The following RICTOR variants were observed in gnomAD, a reference collection of about 807,000 sequenced individuals.
The protein encoded by RICTOR is RPTOR independent companion of MTOR complex 2.
Under a neutral mutation model 214.9 loss-of-function variants are expected in RICTOR, and 49 were observed. That is an observed-to-expected ratio of 0.23 (90% CI 0.18 to 0.29). The LOEUF (loss-of-function observed/expected upper bound fraction) is 0.29, where lower values mean the gene tolerates loss of function less well. Ranked by LOEUF, RICTOR falls within the 10% of genes least tolerant of loss-of-function variation. The pLI, the probability that RICTOR is intolerant of heterozygous loss-of-function variation, is 1.00. For missense variants in RICTOR, 1,625 were observed against 2,047.0 expected (o/e 0.79, Z 3.98); for synonymous variants, 717 against 711.3 (o/e 1.01, Z -0.13).
At chr5:39,003,668 TC>T (rs1561520778) in intron 3 of RICTOR, 46 bp from the exon 4 acceptor site, 1 of 1,193,718 alleles carries the variant, frequency 8.4e-7, no homozygotes, top group South Asian at 1.3e-5. Flanking sequence ...TTGTATATTT[TC>T]ACATATTTAT....
At chr5:39,026,436 A>T (rs1162916037) in intron 2 of RICTOR, among the ~76,000 whole-genome samples, 1 of 152,192 alleles carries the variant, frequency 6.6e-6, no homozygotes, top group African/African-American at 2.4e-5. Flanking sequence ...GAAGCAAAAT[A>T]CAAAAGAACT....
At chr5:38,990,019 G>T (rs953018785) in intron 7 of RICTOR, among the ~76,000 whole-genome samples, 2 of 150,746 alleles carry the variant, frequency 1.3e-5, no homozygotes, top group African/African-American at 4.9e-5. Context: ...ACAACTCATT[G>T]TACTATAGAG....
intron 28 of RICTOR, 88 bp downstream of exon 28, chr5:38,953,373 A>C (rs1389216057): frequency 3.5e-6 from 2 of 574,174 alleles, no homozygotes; most frequent in Admixed American, 2.9e-5. Flanking sequence ...GTAGTTCCAA[A>C]GAAAATATTT....
At chr5:38,975,742 C>CACCA in intron 9 of RICTOR, 138 bp from the exon 10 acceptor site, 1 of 467,194 alleles carries the variant, frequency 2.1e-6, no homozygotes, top group Non-Finnish European at 3.7e-6. Flanking sequence ...AGACAAAGAT[C>CACCA]AGATCTACAC....
At chr5:39,042,987 A>G (rs1306314929) in intron 2 of RICTOR, among the ~76,000 whole-genome samples, 1 of 152,184 alleles carries the variant, frequency 6.6e-6, no homozygotes, top group African/African-American at 2.4e-5. Flanking sequence ...CAAATGTGGA[A>G]AAAGGGGAAT....
chr5:39,041,669 T>C (rs1358724830), intron 2 of RICTOR, among the ~76,000 whole-genome samples: 1 of 152,168 alleles, frequency 6.6e-6, no homozygotes, highest in Non-Finnish European at 1.5e-5. Context: ...TTCTATTCAC[T>C]AACAGGGAAT....
chr5:39,019,502 G>A (rs564220426), intron 3 of RICTOR, among the ~76,000 whole-genome samples: 1 of 152,240 alleles, frequency 6.6e-6, no homozygotes, highest in South Asian at 2.1e-4. Flanking sequence ...CTTTGTCTGT[G>A]CTTTACAAAT....
intron 11 of RICTOR, 47 bp from the exon 12 acceptor site, chr5:38,968,077 T>G (rs776912648): frequency 9.4e-7 from 1 of 1,063,660 alleles, no homozygotes; most frequent in Non-Finnish European, 1.5e-6. Flanking sequence ...TGAAACACTT[T>G]TAAGATTTTT....
intron 6 of RICTOR, among the ~76,000 whole-genome samples, chr5:38,996,547 C>T (rs1034482861): frequency 6.6e-6 from 1 of 152,164 alleles, no homozygotes; most frequent in African/African-American, 2.4e-5. Context: ...GCAGTAACTA[C>T]ATTTACATGT....
intron 7 of RICTOR, among the ~76,000 whole-genome samples, chr5:38,984,855 T>C (rs982367417): frequency 2.6e-5 from 4 of 152,206 alleles, no homozygotes; most frequent in African/African-American, 9.6e-5. Context: ...ACTCTCGCTC[T>C]ATCACCCCAG....
At chr5:39,067,190 G>A (rs768530774) in intron 2 of RICTOR, among the ~76,000 whole-genome samples, 2 of 152,186 alleles carry the variant, frequency 1.3e-5, no homozygotes, top group Non-Finnish European at 2.9e-5. Context: ...AGGAAGCATG[G>A]TGCCAGCATC....
chr5:39,032,012 A>T (rs1756311088), intron 2 of RICTOR, among the ~76,000 whole-genome samples: 1 of 152,208 alleles, frequency 6.6e-6, no homozygotes, highest in Admixed American at 6.5e-5. Flanking sequence ...AAATTCTAAC[A>T]ATTATTAATT....
At chr5:39,032,908 T>C (rs1327322171) in intron 2 of RICTOR, among the ~76,000 whole-genome samples, 1 of 152,212 alleles carries the variant, frequency 6.6e-6, no homozygotes, top group Non-Finnish European at 1.5e-5. Flanking sequence ...TGTCATTCTT[T>C]AGAAGTCTAG....
At chr5:39,006,221 T>C (rs555251546) in intron 3 of RICTOR, among the ~76,000 whole-genome samples, 29 of 152,326 alleles carry the variant, frequency 1.9e-4, no homozygotes, top group South Asian at 1.0e-3. Flanking sequence ...AAGGTTGGTG[T>C]CTGCACTTAT....
chr5:39,035,089 C>A (rs1304673869), intron 2 of RICTOR, among the ~76,000 whole-genome samples: 3 of 152,202 alleles, frequency 2.0e-5, no homozygotes, highest in Non-Finnish European at 1.5e-5. Context: ...GGCACACTGA[C>A]ACCTCACACG....
chr5:38,977,576 T>TA (rs1751342125), intron 9 of RICTOR, among the ~76,000 whole-genome samples: 1 of 148,374 alleles, frequency 6.7e-6, no homozygotes, highest in Non-Finnish European at 1.5e-5. Context: ...TGGATGTGAC[T>TA]GAAGGTATGA....
At chr5:38,953,821 A>G (rs1420658123) in intron 27 of RICTOR, among the ~76,000 whole-genome samples, 2 of 151,824 alleles carry the variant, frequency 1.3e-5, no homozygotes, top group African/African-American at 4.8e-5. Flanking sequence ...GAAGAGTGAT[A>G]ATAACATTTG....
intron 31 of RICTOR, 100 bp downstream of exon 31, chr5:38,949,612 G>C: frequency 8.8e-7 from 1 of 1,130,638 alleles, no homozygotes; most frequent in Non-Finnish European, 1.3e-6. Flanking sequence ...TAATAGGTCA[G>C]TGATGAGGCT....
chr5:38,950,648 T>C lies in RICTOR; in HGVS notation c.3200A>G (p.Asp1067Gly), dbSNP rs758778796. Residue 1067 changes from aspartate (D) to glycine (G), a missense_variant, in exon 31 of 38, where the codon GAT becomes GGT. Asp to Gly is a moderately conservative substitution (Grantham distance 94). Transcript: ENST00000357387. ...TCGGTCATAAAATGTTGGCTCTGTATCTTCATTGATATCAAGGAAAAATGT... is the reference window on the plus strand; with the variant it reads ...TCGGTCATAAAATGTTGGCTCTGTACCTTCATTGATATCAAGGAAAAATGT... Reference protein sequence around the residue: ...TSTFFLDINEDTEPTFYDRSG... With the variant: ...TSTFFLDINEGTEPTFYDRSG... 1.9e-6 allele frequency: 3 copies of C among 1,612,242 alleles called. No individual in the cohort carries two copies. Among genetic ancestry groups the C allele is most frequent in the African/African-American group, 2.7e-5 (2 of 74,814 alleles).
Sources: allele counts gnomAD v4.1 joint callset (sites outside exome capture counted in the v4.1 genomes callset), GRCh38; gene constraint gnomAD v4.1.1; transcripts MANE v1.5; gene names NCBI Gene and HGNC (gene_info 2026-07-23, HGNC 2026-07-21).